Variants in PARD3B observed in about 807,000 individuals in gnomAD.
The protein encoded by PARD3B is partitioning defective 3 homolog B.
Under a neutral mutation model 130.2 loss-of-function variants are expected in PARD3B, and 103 were observed. The observed-to-expected ratio is 0.79, with a 90% CI of 0.67 to 0.93. The LOEUF (loss-of-function observed/expected upper bound fraction) is 0.93, where lower values mean the gene tolerates loss of function less well. Ranked by LOEUF, PARD3B falls within the 40% of genes least tolerant of loss-of-function variation. The pLI is 0.00. For missense variants in PARD3B, 1,609 were observed against 1,499.2 expected (o/e 1.07, Z -1.21); for synonymous variants, 583 against 553.2 (o/e 1.05, Z -0.76).
At chr2:205,114,120 T>C (rs1199156246) in intron 6 of PARD3B, among the ~76,000 whole-genome samples, 1 of 152,142 alleles carries the variant, frequency 6.6e-6, no homozygotes, top group Non-Finnish European at 1.5e-5. Flanking sequence ...TAAAAATAAT[T>C]TACCACATCC....
chr2:205,552,478 G>C (rs1486160697), intron 21 of PARD3B, among the ~76,000 whole-genome samples: 1 of 152,054 alleles, frequency 6.6e-6, no homozygotes, highest in Non-Finnish European at 1.5e-5. Flanking sequence ...GCGTGATGTG[G>C]GCTCACTGCA....
chr2:205,138,442 T>C (rs1199768681), intron 10 of PARD3B, among the ~76,000 whole-genome samples: 2 of 152,194 alleles, frequency 1.3e-5, no homozygotes, highest in Admixed American at 1.3e-4. Flanking sequence ...AGAATTACTC[T>C]TTTAGACATC....
At position 204,907,390 on chromosome 2, in the gene PARD3B, AT is replaced by A. The variant is rs1247922407; in HGVS notation, c.223-57759del. Reference sequence around the variant, plus strand: ...AAGTTGTAAATTTTAGTACACCTTCATTTACATTTCTATTTGAATGTAAATT... The same window carrying A: ...AAGTTGTAAATTTTAGTACACCTTCATTACATTTCTATTTGAATGTAAATT... On this transcript the variant is annotated intron_variant, in intron 2 of 22. Transcript: ENST00000406610. This position sits in a 1 kb window ranked among gnomAD's most constrained non-coding sequence, Gnocchi z 5.7. Among the ~76,000 whole-genome samples, 7 of 152,206 alleles carry A rather than the reference AT, an allele frequency of 4.6e-5. No individual in the cohort carries two copies. Among genetic ancestry groups the A allele is most frequent in the Admixed American group, 3.9e-4 (6 of 15,280 alleles).
At chr2:205,117,916 T>TACACACACACACACAC (rs745919031) in intron 6 of PARD3B, among the ~76,000 whole-genome samples, 7 of 20,376 alleles carry the variant, frequency 3.4e-4, no homozygotes, top group South Asian at 3.2e-3. Context: ...TGTATGTGTG[T>TACACACACACACACAC]ACACACACAC....
chr2:204,802,286 A>G (rs1293358982), intron 2 of PARD3B, among the ~76,000 whole-genome samples: 4 of 152,214 alleles, frequency 2.6e-5, no homozygotes, highest in South Asian at 2.1e-4. Flanking sequence ...CAAAACCACA[A>G]TGAGATACCA....
intron 3 of PARD3B, among the ~76,000 whole-genome samples, chr2:205,033,450 A>G (rs1325109938): frequency 1.3e-5 from 2 of 152,142 alleles, no homozygotes; most frequent in Non-Finnish European, 2.9e-5. Context: ...ATTAAATTAA[A>G]ACACTCCCAA....
At chr2:205,428,381 A>AAAAAT (rs757220247) in intron 19 of PARD3B, among the ~76,000 whole-genome samples, 1 of 152,114 alleles carries the variant, frequency 6.6e-6, no homozygotes, top group Non-Finnish European at 1.5e-5. Flanking sequence ...CTCTGTCACA[A>AAAAAT]AAAATAAAAT....
chr2:204,640,760 C>T (rs980535978), intron 1 of PARD3B, among the ~76,000 whole-genome samples: 3 of 151,724 alleles, frequency 2.0e-5, no homozygotes, highest in Admixed American at 6.6e-5. Flanking sequence ...TGAGTGTTTT[C>T]TTACTTTTTT....
chr2:205,320,171 AAGAAAGAG>A (rs1218443294), intron 18 of PARD3B, among the ~76,000 whole-genome samples: 2 of 49,050 alleles, frequency 4.1e-5, no homozygotes, highest in Admixed American at 1.4e-4. Flanking sequence ...ATCAGAAAGA[AAGAAAGAG>A]AGAGAGAGAG....
At chr2:205,285,303 G>C (rs1205832974) in intron 16 of PARD3B, among the ~76,000 whole-genome samples, 1 of 152,078 alleles carries the variant, frequency 6.6e-6, no homozygotes, top group African/African-American at 2.4e-5. Context: ...TATTATTGTT[G>C]TTGTTGTTGT....
At chr2:205,541,355 T>TTG (rs2052124535) in intron 21 of PARD3B, among the ~76,000 whole-genome samples, 1 of 150,880 alleles carries the variant, frequency 6.6e-6, no homozygotes, top group South Asian at 2.1e-4. Flanking sequence ...TTGTTTTTTT[T>TTG]TTTTTTTTTT....
chr2:204,998,494 A>ATATATATGTGTATATAATATATG, intron 3 of PARD3B, among the ~76,000 whole-genome samples: 2 of 112,216 alleles, frequency 1.8e-5, no homozygotes, highest in Non-Finnish European at 3.7e-5. Flanking sequence ...TAATATATGT[A>ATATATATGTGTATATAATATATG]TATATATGTG....
In PARD3B at chr2:205,448,106, C is replaced by T. The variant is rs116333317; in HGVS notation, c.3044+7434C>T. ...GACCTTGAGAAGTTTCTTGTATAAT[C>T]ATTTCTTCGGCATAAACTCCCCCAG... is the stretch of plus-strand genomic sequence containing the variant. On this transcript the variant is annotated intron_variant, in intron 20 of 22. Coordinates refer to ENST00000406610, the MANE Select transcript of PARD3B (RefSeq NM_001302769.2). 4.4e-3 allele frequency among the ~76,000 whole-genome samples: 671 copies of T among 152,310 alleles called. 9 individuals carry two copies. Among genetic ancestry groups the T allele is most frequent in the African/African-American group, 0.015 (637 of 41,556 alleles).
At chr2:205,400,304 T>C (rs1291571366) in intron 18 of PARD3B, among the ~76,000 whole-genome samples, 1 of 152,078 alleles carries the variant, frequency 6.6e-6, no homozygotes, top group Non-Finnish European at 1.5e-5. Flanking sequence ...TGTCGACACA[T>C]ACAAAGGGAA....
intron 18 of PARD3B, among the ~76,000 whole-genome samples, chr2:205,342,142 T>A (rs2043565216): frequency 6.6e-6 from 1 of 152,162 alleles, no homozygotes; most frequent in African/African-American, 2.4e-5. Context: ...GAGGAAGGAA[T>A]AGATGGGAGG....
At position 205,116,026 on chromosome 2, in the gene PARD3B, G is replaced by T. The variant is rs192688374; in HGVS notation, c.680+2449G>T. Among the ~76,000 whole-genome samples the T allele has an allele frequency of 2.3e-3, 352 of 151,814 alleles. 5 individuals carry two copies. The highest frequency in any genetic ancestry group is 8.2e-3 in the African/African-American group (340 of 41,390). ...AGATCATCCTAATAAGTAAATTATA[G>T]TGGCTGCTCTGCTAGATAAAGCCTC... On this transcript the variant is annotated intron_variant, in intron 6 of 22. Transcript: ENST00000406610. The surrounding 1 kb of genome is among the most constrained non-coding windows in gnomAD (Gnocchi z 4.5).
intron 15 of PARD3B, among the ~76,000 whole-genome samples, chr2:205,205,479 T>G (rs1049054100): frequency 6.6e-6 from 1 of 152,172 alleles, no homozygotes; most frequent in Non-Finnish European, 1.5e-5. Flanking sequence ...CTTCCAATAC[T>G]ATGTTAAATA....
rs556412521 is a variant in PARD3B at position 205,082,094 on chromosome 2, G to C, written c.505-22332G>C. ...CCATCTTTCTTATTGGATCATTACT[G>C]GTAATTGGGTCATTCAAGAAATATG... On this transcript the variant is annotated intron_variant, in intron 4 of 22. Transcript: ENST00000406610. Among the ~76,000 whole-genome samples the C allele has an allele frequency of 4.6e-5, 7 of 152,132 alleles. No homozygotes were observed. In the South Asian group the frequency reaches 1.2e-3, roughly 27 times the overall value.
rs75193164 is a variant in PARD3B at position 205,479,483 on chromosome 2, C to T, written c.3045-20413C>T. Among the ~76,000 whole-genome samples, 797 of 152,232 alleles carry T rather than the reference C, an allele frequency of 5.2e-3. 11 individuals are homozygous for T. The highest frequency in any genetic ancestry group is 0.018 in the African/African-American group (763 of 41,538). ...CATGCCACAAAGCAGAAGGTAAGGG[C>T]CATAATGTAAGTACAAAGCACTGAG... On this transcript the variant is annotated intron_variant, in intron 20 of 22. Coordinates refer to ENST00000406610, the MANE Select transcript of PARD3B (RefSeq NM_001302769.2).
Sources: allele counts gnomAD v4.1 joint callset (sites outside exome capture counted in the v4.1 genomes callset), GRCh38; gene constraint gnomAD v4.1.1; non-coding constraint Gnocchi (gnomAD v3.1); transcripts MANE v1.5; gene names NCBI Gene and HGNC (gene_info 2026-07-23, HGNC 2026-07-21).